ZNF682: variants seen among roughly 807,000 people sequenced by gnomAD.
The protein encoded by ZNF682 is zinc finger protein 682.
A neutral mutation model predicts 36.5 loss-of-function variants in ZNF682; 29 were observed. The observed-to-expected ratio is 0.80, with a 90% CI of 0.59 to 1.08. The LOEUF is 1.08. ZNF682 is among the 50% of genes least tolerant of loss of function. The pLI is 0.00. For synonymous variants in ZNF682, 180 were observed against 197.0 expected (o/e 0.91, Z 0.72); for missense variants, 561 against 579.7 (o/e 0.97, Z 0.33).
chr19:20,020,060 AAAAGAAAGAAATTTTAAGCAT>A (rs2088370395), intron 3 of ZNF682, among the ~76,000 whole-genome samples: 1 of 95,552 alleles, frequency 1.0e-5, no homozygotes, highest in Admixed American at 1.5e-4. Flanking sequence ...AAAAAAAAAA[AAAAGAAAGAAATTTTAAGCAT>A]AAAAACATTT....
At chr19:20,011,806 G>C (rs1412428837) in intron 3 of ZNF682, among the ~76,000 whole-genome samples, 1 of 152,172 alleles carries the variant, frequency 6.6e-6, no homozygotes, top group African/African-American at 2.4e-5. Flanking sequence ...GGGAGGCCGA[G>C]GCAGGCGGAT....
At position 20,022,344 on chromosome 19, in the gene ZNF682, AC is replaced by A. The variant is rs1431944427; in HGVS notation, c.226+659del. Among the ~76,000 whole-genome samples, 3 of 70,764 alleles carry A rather than the reference AC, an allele frequency of 4.2e-5. No homozygotes were observed. In the South Asian group the frequency reaches 2.0e-3, roughly 47 times the overall value. 46.4% of individuals were successfully genotyped at this position (70,764 alleles called of 152,430 possible). On this transcript the variant is annotated intron_variant, in intron 3 of 3. Transcript: ENST00000397165. ...AATACAAACAAAAACAAAACCCAAA[AC>A]CAAAACAAAACAAAACAAAAACCTT... is the stretch of plus-strand genomic sequence containing the variant.
rs1444843867 is a variant in ZNF682, at chr19:20,039,325, G to A, written c.3+18C>T. On this transcript the variant is annotated intron_variant, in intron 1 of 3. Transcript: ENST00000397165. ...CAGCCCTGCCCCCACCTCGGGATGCGCGGCCTGGCACACTCACCATTTTTC... is the reference window on the plus strand; with the variant it reads ...CAGCCCTGCCCCCACCTCGGGATGCACGGCCTGGCACACTCACCATTTTTC... 7 of 1,612,082 alleles carry A rather than the reference G, an allele frequency of 4.3e-6. No individual in the cohort carries two copies. The highest frequency in any genetic ancestry group is 5.9e-6 in the Non-Finnish European group (7 of 1,179,882).
Position 20,005,337 on chromosome 19 carries a change from A to T in ZNF682, c.*668T>A, listed in dbSNP as rs1029133384. The T allele has an allele frequency of 1.3e-5, 2 of 152,212 alleles. No homozygotes were observed. Among genetic ancestry groups the T allele is most frequent in the African/African-American group, 4.8e-5 (2 of 41,436 alleles). 9.4% of individuals were successfully genotyped at this position (152,212 alleles called of 1,614,324 possible). On this transcript the variant is annotated 3_prime_UTR_variant, in exon 4 of 4. Transcript: ENST00000397165. ...CTCGGCCTCCCAAAGTGCTGGGATT[A>T]TAAGTGTGAGCCACCGCGCCCGGCC...
chr19:20,026,989 G>A (rs1268265834), intron 1 of ZNF682, among the ~76,000 whole-genome samples: 2 of 152,230 alleles, frequency 1.3e-5, no homozygotes, highest in Non-Finnish European at 2.9e-5. Context: ...AACATCAGAA[G>A]TAGAGAAGTA....
At chr19:20,015,141 C>T (rs138830845) in intron 3 of ZNF682, 14,319 of 943,064 alleles carry the variant, frequency 0.015, 139 homozygotes, top group Middle Eastern at 0.041. Flanking sequence ...ACAATTACAC[C>T]TAAAATAAAG....
At chr19:20,021,092 C>T (rs533868569) in intron 3 of ZNF682, among the ~76,000 whole-genome samples, 1 of 152,230 alleles carries the variant, frequency 6.6e-6, no homozygotes, top group East Asian at 1.9e-4. Context: ...GCATAAAATA[C>T]ACTAACACTA....
chr19:20,013,557 G>A (rs1325624710), intron 3 of ZNF682, among the ~76,000 whole-genome samples: 1 of 151,538 alleles, frequency 6.6e-6, no homozygotes, highest in African/African-American at 2.4e-5. Flanking sequence ...ACTTGTTAGG[G>A]CACAAAGCCA....
intron 1 of ZNF682, among the ~76,000 whole-genome samples, chr19:20,036,792 T>G (rs2088533626): frequency 8.6e-6 from 1 of 116,358 alleles, no homozygotes; most frequent in Non-Finnish European, 1.6e-5. Context: ...CATGGTGAGA[T>G]GCTGTCTCTA....
Position 20,006,233 on chromosome 19 carries a change from T to C in ZNF682, c.1269A>G (p.Lys423=), listed in dbSNP as rs1272531330. Residue 423 remains lysine, a synonymous_variant, in exon 4 of 4, where the codon AAA becomes AAG. Transcript: ENST00000397165. ...TEHKRIHTGE[K]PYNCEECGKA... ...TTCCACATTCTTCACAGTTGTAGGGTTTCTCTCCAGTATGAATTCTCTTAT... is the reference window on the plus strand; with the variant it reads ...TTCCACATTCTTCACAGTTGTAGGGCTTCTCTCCAGTATGAATTCTCTTAT... 2 of 1,613,906 alleles carry C rather than the reference T, an allele frequency of 1.2e-6. No homozygotes were observed. Among genetic ancestry groups the C allele is most frequent in the Non-Finnish European group, 1.7e-6 (2 of 1,179,964 alleles).
intron 3 of ZNF682, 173 bp from the exon 4 acceptor site, chr19:20,007,448 T>A: frequency 1.8e-6 from 1 of 569,104 alleles, no homozygotes; most frequent in Non-Finnish European, 3.0e-6. Context: ...CATCATACTT[T>A]AAACAGATCT....
intron 1 of ZNF682, among the ~76,000 whole-genome samples, chr19:20,027,908 G>A (rs1024980885): frequency 2.0e-5 from 3 of 152,080 alleles, no homozygotes; most frequent in Non-Finnish European, 2.9e-5. Flanking sequence ...GTGACGGAGT[G>A]AGACTGTCTC....
At chr19:20,035,351 G>A (rs1302701957) in intron 1 of ZNF682, among the ~76,000 whole-genome samples, 1 of 151,284 alleles carries the variant, frequency 6.6e-6, no homozygotes. Flanking sequence ...TCAGGCTCCC[G>A]AGTAGCTGAG....
chr19:20,021,632 T>C (rs2088384923), intron 3 of ZNF682, among the ~76,000 whole-genome samples: 2 of 152,228 alleles, frequency 1.3e-5, no homozygotes, highest in Admixed American at 1.3e-4. Context: ...TACTTTTAAT[T>C]TGTGAAAAGT....
Position 20,006,846 on chromosome 19 carries a change from T to C in ZNF682, c.656A>G (p.His219Arg), listed in dbSNP as rs993215420. Reference protein sequence around the residue: ...TFKWFSYLTKHKRIHTGEKPY... With the variant: ...TFKWFSYLTKRKRIHTGEKPY... ...TTTCTCTCCAGTGTGAATTCTCTTA[T>C]GTTTAGTAAGGTATGAGAACCACTT... Residue 219 changes from histidine (H) to arginine (R), a missense_variant, in exon 4 of 4, where the codon CAT (histidine) becomes CGT (arginine). By Grantham distance (29) the His-to-Arg change is conservative. Coordinates refer to ENST00000397165, the MANE Select transcript of ZNF682 (RefSeq NM_033196.3). 6.2e-7 allele frequency: 1 copy of C among 1,613,972 alleles called. No homozygotes were observed. Among genetic ancestry groups the C allele is most frequent in the African/African-American group, 1.3e-5 (1 of 74,948 alleles).
intron 3 of ZNF682, chr19:20,015,142 T>G (rs1258952182): frequency 1.1e-6 from 1 of 945,606 alleles, no homozygotes; most frequent in African/African-American, 1.8e-5. Flanking sequence ...CAATTACACC[T>G]AAAATAAAGT....
Position 20,019,564 on chromosome 19 carries a change from C to T in ZNF682, c.226+3440G>A, listed in dbSNP as rs77816249. Among the ~76,000 whole-genome samples the T allele has an allele frequency of 6.8e-3, 1,035 of 152,126 alleles. 15 individuals carry two copies. Among genetic ancestry groups the T allele is most frequent in the African/African-American group, 0.024 (984 of 41,498 alleles). The stretch of plus-strand genomic sequence containing the variant: ...TAGAAAAAAATATTTGCAAGCCATA[C>T]GCCTGATAAGAAGTTAATATCCAGA... On this transcript the variant is annotated intron_variant, in intron 3 of 3. Coordinates refer to ENST00000397165, the MANE Select transcript of ZNF682 (RefSeq NM_033196.3).
rs1375060242 is a variant in ZNF682, at chr19:20,006,591, TTA to T, written c.909_910del (p.His303GlnfsTer13). The stretch of plus-strand genomic sequence containing the variant: ...GGGTTTCTTTCCAGTGTGAATTGTC[TTA>T]TGTTTGGTGAGATGTGAGTGCCGGT... On this transcript the variant is annotated frameshift_variant, in exon 4 of 4. Transcript: ENST00000397165. LOFTEE classifies it high-confidence loss of function. 6.2e-7 allele frequency: 1 copy of T among 1,614,202 alleles called. No homozygotes were observed. Among genetic ancestry groups the T allele is most frequent in the East Asian group, 2.2e-5 (1 of 44,878 alleles).
intron 3 of ZNF682, among the ~76,000 whole-genome samples, chr19:19,997,665 A>C (rs999408114): frequency 6.6e-6 from 1 of 152,218 alleles, no homozygotes; most frequent in Non-Finnish European, 1.5e-5. Flanking sequence ...CCTCATGAGT[A>C]AAGAGCACAC....
Sources: allele counts gnomAD v4.1 joint callset (sites outside exome capture counted in the v4.1 genomes callset), GRCh38; gene constraint gnomAD v4.1.1; transcripts MANE v1.5; gene names NCBI Gene and HGNC (gene_info 2026-07-23, HGNC 2026-07-21).